The following LDB3 variants were observed in gnomAD, a reference collection of about 807,000 sequenced individuals.
LDB3 encodes LIM domain binding 3, also known as LIM domain-binding protein 3.
LDB3 carries 49 observed loss-of-function variants against 69.0 expected under a neutral mutation model. That is an observed-to-expected ratio of 0.71 (90% CI 0.56 to 0.90). LDB3 has a LOEUF of 0.90. LDB3 is among the 40% of genes least tolerant of loss of function. LDB3 has a pLI of 0.00. For synonymous variants in LDB3, 387 were observed against 396.2 expected (o/e 0.98, Z 0.28); for missense variants, 928 against 974.1 (o/e 0.95, Z 0.63).
chr10:86,699,136 T>G lies in LDB3; in HGVS notation c.896+6565T>G. The G allele has an allele frequency of 8.2e-6, 7 of 850,420 alleles. No individual in the cohort carries two copies. The highest frequency in any genetic ancestry group is 5.7e-5 in the East Asian group (2 of 35,082). 52.7% of individuals were successfully genotyped at this position (850,420 alleles called of 1,614,324 possible). ...AGCTTCTCCAAGCCCGTTCCCTCCC[T>G]CCCATGCCCTCTGCCCCACCTGTTA... On this transcript the variant is annotated intron_variant, in intron 7 of 13. Transcript: ENST00000361373. The surrounding 1 kb of genome is among the most constrained non-coding windows in gnomAD (Gnocchi z 4.9).
At chr10:86,717,737 C>G (rs1344485819) in intron 10 of LDB3, among the ~76,000 whole-genome samples, 1 of 152,142 alleles carries the variant, frequency 6.6e-6, no homozygotes, top group African/African-American at 2.4e-5. Flanking sequence ...TTACCCAGTC[C>G]CCTATTGGTA....
chr10:86,694,876 A>C (rs1845932707), intron 7 of LDB3, among the ~76,000 whole-genome samples: 1 of 152,116 alleles, frequency 6.6e-6, no homozygotes, highest in East Asian at 1.9e-4. Context: ...CCACACTTCT[A>C]TCTGTCCCCA....
At chr10:86,704,577 A>ATGTT (rs1846375175) in intron 7 of LDB3, among the ~76,000 whole-genome samples, 1 of 111,538 alleles carries the variant, frequency 9.0e-6, no homozygotes, top group Non-Finnish European at 1.8e-5. Flanking sequence ...GCCCAGCTAA[A>ATGTT]TTTTTTTTTT....
Position 86,706,511 on chromosome 10 carries a change from T to A in LDB3, c.897-20T>A. On this transcript the variant is annotated intron_variant, in intron 7 of 13. Coordinates refer to ENST00000361373, the MANE Select transcript of LDB3 (RefSeq NM_007078.3). ...TCTAGGCTCCCTTGACCTGTTGTCT[T>A]TTTGGTCCCGCCTCATCAGCACCCC... 6.2e-7 allele frequency: 1 copy of A among 1,610,848 alleles called. No individual in the cohort carries two copies. Among genetic ancestry groups the A allele is most frequent in the Non-Finnish European group, 8.5e-7 (1 of 1,179,906 alleles).
At chr10:86,668,610 C>T (rs1294990743) in intron 1 of LDB3, 40 bp downstream of exon 1, 5 of 1,086,254 alleles carry the variant, frequency 4.6e-6, no homozygotes, top group South Asian at 1.2e-5. Context: ...AGGTGTGGAC[C>T]GGGCAGGCGG....
At position 86,679,415 on chromosome 10, in the gene LDB3, C is replaced by T; in HGVS notation, c.142C>T (p.Leu48Phe). Residue 48 changes from leucine to phenylalanine, a missense_variant, in exon 3 of 14, where the codon CTC becomes TTC. Coordinates refer to ENST00000361373, the MANE Select transcript of LDB3 (RefSeq NM_007078.3). Reference sequence around the variant, plus strand: ...CCAGTCCCAGCTCAGCCAGGGTGACCTCGTGGTGGCCATTGACGGCGTCAA... The same window carrying T: ...CCAGTCCCAGCTCAGCCAGGGTGACTTCGTGGTGGCCATTGACGGCGTCAA... ...AAQSQLSQGD[L>F]VVAIDGVNTD... is the part of the protein sequence containing the mutation. The T allele has an allele frequency of 6.2e-7, 1 of 1,614,154 alleles. No individual in the cohort carries two copies. The highest frequency in any genetic ancestry group is 8.5e-7 in the Non-Finnish European group (1 of 1,180,034).
intron 7 of LDB3, among the ~76,000 whole-genome samples, chr10:86,695,400 G>A (rs1187247880): frequency 2.0e-5 from 3 of 152,152 alleles, no homozygotes; most frequent in Admixed American, 6.5e-5. Context: ...CTGGTAGCAC[G>A]TAGCTTCCAT....
chr10:86,723,924 G>A (rs1200685668), intron 12 of LDB3, among the ~76,000 whole-genome samples: 2 of 152,246 alleles, frequency 1.3e-5, no homozygotes, highest in African/African-American at 4.8e-5. Flanking sequence ...TAAAGCCATA[G>A]AAGGAGGATG....
intron 13 of LDB3, among the ~76,000 whole-genome samples, chr10:86,727,350 ATT>A (rs11295601): frequency 6.7e-6 from 1 of 150,022 alleles, no homozygotes; most frequent in Non-Finnish European, 1.5e-5. Flanking sequence ...CACCTCTACT[ATT>A]TTTTTTTTAA....
intron 2 of LDB3, among the ~76,000 whole-genome samples, chr10:86,671,001 A>G (rs1354550358): frequency 6.6e-6 from 1 of 152,160 alleles, no homozygotes; most frequent in Admixed American, 6.5e-5. Flanking sequence ...GCCCTTCTGC[A>G]CCAGGGACAT....
Position 86,699,964 on chromosome 10 carries a change from G to A in LDB3, c.897-6567G>A, listed in dbSNP as rs1846188633. ...GGTGGGGGCATGCACCCTCCTTTCT[G>A]TACCGTGTGTGCTGGCTCCATAGTT... On this transcript the variant is annotated intron_variant, in intron 7 of 13. Coordinates refer to ENST00000361373, the MANE Select transcript of LDB3 (RefSeq NM_007078.3). This position sits in a 1 kb window ranked among gnomAD's most constrained non-coding sequence, Gnocchi z 4.9. The A allele has an allele frequency of 2.0e-6, 2 of 997,512 alleles. No individual in the cohort carries two copies. Among genetic ancestry groups the A allele is most frequent in the Non-Finnish European group, 2.4e-6 (2 of 836,438 alleles). The allele number at this position is 997,512 out of a possible 1,614,324, so 61.8% of individuals were successfully genotyped here.
intron 7 of LDB3, 71 bp from the exon 8 acceptor site, chr10:86,706,460 C>T: frequency 4.5e-6 from 7 of 1,540,396 alleles, no homozygotes; most frequent in Non-Finnish European, 6.2e-6. Flanking sequence ...GCCACCTGCC[C>T]CCATGCAGAG....
intron 2 of LDB3, among the ~76,000 whole-genome samples, chr10:86,678,574 G>T (rs1366491405): frequency 6.6e-6 from 1 of 152,026 alleles, no homozygotes; most frequent in Non-Finnish European, 1.5e-5. Flanking sequence ...TCCTGACCTT[G>T]TGATCCACCC....
At position 86,669,864 on chromosome 10, in the gene LDB3, G is replaced by A. The variant is rs374017409; in HGVS notation, c.93+1080G>A. On this transcript the variant is annotated intron_variant, in intron 2 of 13. Transcript: ENST00000361373. Reference sequence around the variant, plus strand: ...CTACTGCCCACCAGGGGAACAAGGGGACAGTTTCTTCTCTGGGGCCTTAAG... The same window carrying A: ...CTACTGCCCACCAGGGGAACAAGGGAACAGTTTCTTCTCTGGGGCCTTAAG... 3.3e-5 allele frequency among the ~76,000 whole-genome samples: 5 copies of A among 152,342 alleles called. No homozygotes were observed. In the East Asian group the frequency reaches 9.7e-4, roughly 29 times the overall value.
chr10:86,706,532 A>AC lies in LDB3; in HGVS notation c.902dup (p.Ile302TyrfsTer2). ...GTCTTTTTGGTCCCGCCTCATCAGC[A>AC]CCCCTATTGAGCATGCGCCGGTGTG... On this transcript the variant is annotated frameshift_variant and splice_region_variant, in exon 8 of 14. Transcript: ENST00000361373. LOFTEE classifies it high-confidence loss of function. 6.2e-7 allele frequency: 1 copy of AC among 1,611,944 alleles called. No homozygotes were observed. The highest frequency in any genetic ancestry group is 8.5e-7 in the Non-Finnish European group (1 of 1,179,870).
intron 2 of LDB3, among the ~76,000 whole-genome samples, chr10:86,669,134 C>A (rs1844321423): frequency 6.6e-6 from 1 of 152,122 alleles, no homozygotes; most frequent in Non-Finnish European, 1.5e-5. Flanking sequence ...TGCCCCCAAG[C>A]CTTGAGCATT....
In LDB3 at chr10:86,726,202, T is replaced by C. The variant is rs1459751624; in HGVS notation, c.2044T>C (p.Phe682Leu). Residue 682 changes from phenylalanine (F) to leucine (L), a missense_variant, in exon 13 of 14, where the codon TTT (phenylalanine) becomes CTT (leucine). Phe to Leu is a conservative substitution (Grantham distance 22, BLOSUM62 0). Transcript: ENST00000361373. ...TTTCCCCGTGGAGGCTGGCGACAAG[T>C]TTATCGAAGCCCTGGGCCACACTTG... is the stretch of plus-strand genomic sequence containing the variant. ...CDFPVEAGDK[F>L]IEALGHTWHD... 1 of 1,614,058 alleles carries C rather than the reference T, an allele frequency of 6.2e-7. No individual in the cohort carries two copies. The highest frequency in any genetic ancestry group is 1.1e-5 in the South Asian group (1 of 91,074).
At chr10:86,676,496 C>G (rs912372225) in intron 2 of LDB3, among the ~76,000 whole-genome samples, 1 of 143,696 alleles carries the variant, frequency 7.0e-6, no homozygotes, top group African/African-American at 2.6e-5. Context: ...ACCCAGGAGG[C>G]GGAGGTTGCA....
Position 86,718,717 on chromosome 10 carries a change from T to C in LDB3, c.1858-10T>C, listed in dbSNP as rs202208256. On this transcript the variant is annotated splice_polypyrimidine_tract_variant and intron_variant, in intron 11 of 13. Transcript: ENST00000361373. ...TCCTTTCTGTCCTGAGCTTAGGCTC[T>C]TTCCCCCAGGAAGTAATGCATGCCT... The C allele has an allele frequency of 3.4e-5, 55 of 1,614,158 alleles. No homozygotes were observed. In the Admixed American group the frequency reaches 7.2e-4, roughly 21 times the overall value.
Sources: allele counts gnomAD v4.1 joint callset (sites outside exome capture counted in the v4.1 genomes callset), GRCh38; gene constraint gnomAD v4.1.1; non-coding constraint Gnocchi (gnomAD v3.1); transcripts MANE v1.5; gene names NCBI Gene and HGNC (gene_info 2026-07-23, HGNC 2026-07-21).